CNTNAP2: variants seen among roughly 807,000 people sequenced by gnomAD.
CNTNAP2 encodes contactin associated protein 2, also known as contactin-associated protein-like 2.
A neutral mutation model predicts 155.2 loss-of-function variants in CNTNAP2; 98 were observed. That is an observed-to-expected ratio of 0.63 (90% CI 0.54 to 0.75). The LOEUF (loss-of-function observed/expected upper bound fraction) is 0.75. Among genes scored for constraint, CNTNAP2 ranks in the 30% least tolerant of loss-of-function variants. CNTNAP2 has a pLI of 0.00. For synonymous variants in CNTNAP2, 651 were observed against 631.2 expected (o/e 1.03, Z -0.47); for missense variants, 1,727 against 1,688.1 (o/e 1.02, Z -0.40).
chr7:147,231,558 A>G lies in CNTNAP2; in HGVS notation c.1349-68583A>G, dbSNP rs181204734. On this transcript the variant is annotated intron_variant, in intron 8 of 23. Transcript: ENST00000361727. ...AAATTTACATTCCCACTAACAGTGT[A>G]CAAGAGTTCACTTTTCTTTACACCC... Among the ~76,000 whole-genome samples the G allele has an allele frequency of 2.7e-3, 410 of 152,348 alleles. 1 individual carries two copies. Among genetic ancestry groups the G allele is most frequent in the African/African-American group, 9.2e-3 (384 of 41,582 alleles).
At chr7:146,141,564 T>TA (rs1797882402) in intron 1 of CNTNAP2, among the ~76,000 whole-genome samples, 1 of 152,276 alleles carries the variant, frequency 6.6e-6, no homozygotes, top group African/African-American at 2.4e-5. Context: ...ATTACATAAT[T>TA]AAAAGTTTTA....
rs764554102 is a variant in CNTNAP2 at position 147,510,897 on chromosome 7, A to AGGAAGCT, written c.1777+24857_1777+24863dup. On this transcript the variant is annotated intron_variant, in intron 11 of 23. Transcript: ENST00000361727. Reference sequence around the variant, plus strand: ...ATGCTTCCTCATATATATATACATGAGGAAGCTTTAGTTACTGAACTTGGA... The same window carrying AGGAAGCT: ...ATGCTTCCTCATATATATATACATGAGGAAGCTGGAAGCTTTAGTTACTGAACTTGGA... 1.4e-3 allele frequency among the ~76,000 whole-genome samples: 150 copies of AGGAAGCT among 104,942 alleles called. 1 individual carries two copies. Among genetic ancestry groups the AGGAAGCT allele is most frequent in the Non-Finnish European group, 2.5e-3 (120 of 48,580 alleles). 68.8% of individuals were successfully genotyped at this position (104,942 alleles called of 152,430 possible).
chr7:146,631,695 A>T (rs1799513671), intron 1 of CNTNAP2, among the ~76,000 whole-genome samples: 1 of 152,172 alleles, frequency 6.6e-6, no homozygotes, highest in African/African-American at 2.4e-5. Context: ...ATGGCACGCT[A>T]TTGGACCATA....
intron 15 of CNTNAP2, among the ~76,000 whole-genome samples, chr7:147,997,961 G>C (rs920714167): frequency 1.2e-4 from 18 of 152,112 alleles, no homozygotes; most frequent in Non-Finnish European, 7.4e-5. Flanking sequence ...ATCAAAGTGC[G>C]CATACTCTCT....
intron 21 of CNTNAP2, among the ~76,000 whole-genome samples, chr7:148,346,264 G>T (rs148098673): frequency 3.3e-5 from 5 of 152,112 alleles, no homozygotes; most frequent in African/African-American, 2.4e-5. Flanking sequence ...AGATATTCCC[G>T]CTTTCTGTTT....
At chr7:147,797,598 AT>A (rs965262308) in intron 13 of CNTNAP2, among the ~76,000 whole-genome samples, 25 of 151,308 alleles carry the variant, frequency 1.7e-4, no homozygotes, top group African/African-American at 5.8e-4. Context: ...AAGTAAAATA[AT>A]TTTTTTTTAC....
At chr7:147,361,510 A>G (rs572102924) in intron 9 of CNTNAP2, among the ~76,000 whole-genome samples, 3 of 152,286 alleles carry the variant, frequency 2.0e-5, no homozygotes, top group Admixed American at 1.3e-4. Flanking sequence ...GTTATGCCTT[A>G]TCTTCTCACT....
Position 146,494,306 on chromosome 7 carries a change from C to T in CNTNAP2, c.98-279965C>T, listed in dbSNP as rs1253596277. 2.6e-5 allele frequency among the ~76,000 whole-genome samples: 4 copies of T among 151,676 alleles called. No homozygotes were observed. In the East Asian group the frequency reaches 5.8e-4, roughly 22 times the overall value. ...CAGAGATCGCACCACTGCACTCCAG[C>T]CTGGGCCACAGAGCGAGACTCTATG... is the stretch of plus-strand genomic sequence containing the variant. On this transcript the variant is annotated intron_variant, in intron 1 of 23. Coordinates refer to ENST00000361727, the MANE Select transcript of CNTNAP2 (RefSeq NM_014141.6).
chr7:148,338,636 G>T lies in CNTNAP2; in HGVS notation c.3476-45013G>T, dbSNP rs1287354856. Reference sequence around the variant, plus strand: ...TTTGCTAAAGGCTTCAGCTGCTACTGCCTGGACCTCAATAAGCATTTTCTG... The same window carrying T: ...TTTGCTAAAGGCTTCAGCTGCTACTTCCTGGACCTCAATAAGCATTTTCTG... On this transcript the variant is annotated intron_variant, in intron 21 of 23. Transcript: ENST00000361727. Among the ~76,000 whole-genome samples, 14 of 152,136 alleles carry T rather than the reference G, an allele frequency of 9.2e-5. No individual in the cohort carries two copies. The East Asian group carries it at 2.5e-3, about 27-fold the overall frequency.
At chr7:147,691,408 C>T (rs548509863) in intron 13 of CNTNAP2, among the ~76,000 whole-genome samples, 1 of 152,174 alleles carries the variant, frequency 6.6e-6, no homozygotes, top group South Asian at 2.1e-4. Flanking sequence ...AGCTTCCAGC[C>T]TACCCTCATG....
chr7:147,089,880 G>C (rs1269303477), intron 4 of CNTNAP2, among the ~76,000 whole-genome samples: 1 of 152,196 alleles, frequency 6.6e-6, no homozygotes, highest in African/African-American at 2.4e-5. Context: ...AGGTGTCTCA[G>C]GGCCTAGTGA....
chr7:146,684,308 C>T (rs766183958), intron 1 of CNTNAP2, among the ~76,000 whole-genome samples: 12 of 152,102 alleles, frequency 7.9e-5, no homozygotes, highest in Non-Finnish European at 1.5e-4. Context: ...TTAAGAACTG[C>T]TGTTTTCGAT....
chr7:146,154,012 G>T (rs527727017), intron 1 of CNTNAP2, among the ~76,000 whole-genome samples: 2 of 151,896 alleles, frequency 1.3e-5, no homozygotes, highest in South Asian at 2.1e-4. Context: ...TCTTACCAAA[G>T]AAGCAATTTG....
chr7:146,509,425 G>A (rs1397296481), intron 1 of CNTNAP2, among the ~76,000 whole-genome samples: 1 of 152,168 alleles, frequency 6.6e-6, no homozygotes, highest in Admixed American at 6.5e-5. Flanking sequence ...GCATCTAGGT[G>A]GGTAGGATTT....
At chr7:148,191,725 C>T (rs533296402) in intron 18 of CNTNAP2, among the ~76,000 whole-genome samples, 1 of 152,298 alleles carries the variant, frequency 6.6e-6, no homozygotes, top group Admixed American at 6.5e-5. Flanking sequence ...GGGCTCCACC[C>T]TCATGTCTTA....
chr7:147,720,749 C>T (rs934598357), intron 13 of CNTNAP2, among the ~76,000 whole-genome samples: 1 of 152,088 alleles, frequency 6.6e-6, no homozygotes. Context: ...TCCCTTTCAC[C>T]TTCTGCCATG....
chr7:148,392,731 A>G (rs1012170221), intron 22 of CNTNAP2, among the ~76,000 whole-genome samples: 3 of 152,156 alleles, frequency 2.0e-5, no homozygotes, highest in Non-Finnish European at 2.9e-5. Flanking sequence ...AGGGTTGAGA[A>G]TCCCCTGCCA....
intron 5 of CNTNAP2, among the ~76,000 whole-genome samples, chr7:147,117,522 G>A (rs1357339576): frequency 2.6e-5 from 4 of 152,024 alleles, no homozygotes; most frequent in African/African-American, 7.2e-5. Context: ...ATTTGAAAAG[G>A]CTGTATTTAC....
intron 1 of CNTNAP2, among the ~76,000 whole-genome samples, chr7:146,570,433 G>A (rs1798424568): frequency 1.3e-5 from 2 of 152,122 alleles, no homozygotes; most frequent in African/African-American, 4.8e-5. Flanking sequence ...ATCTGCATCT[G>A]TGCTCATTAA....
Sources: allele counts gnomAD v4.1 joint callset (sites outside exome capture counted in the v4.1 genomes callset), GRCh38; gene constraint gnomAD v4.1.1; transcripts MANE v1.5; gene names NCBI Gene and HGNC (gene_info 2026-07-23, HGNC 2026-07-21).